EDIL3: variants seen among roughly 807,000 people sequenced by gnomAD.
The protein encoded by EDIL3 is EGF like and discoidin domains 3.
In EDIL3, 37 loss-of-function variants were observed where a neutral mutation model predicts 67.4. The ratio of observed to expected loss-of-function variants is 0.55; its 90% CI spans 0.42 to 0.72. The LOEUF is 0.72. EDIL3 is among the 30% of genes least tolerant of loss of function. The pLI is 0.00. For missense variants in EDIL3, 527 were observed against 586.3 expected (o/e 0.90, Z 1.04); for synonymous variants, 195 against 196.3 (o/e 0.99, Z 0.05).
At chr5:84,383,836 C>T (rs1748150353) in intron 1 of EDIL3, among the ~76,000 whole-genome samples, 1 of 152,174 alleles carries the variant, frequency 6.6e-6, no homozygotes, top group Non-Finnish European at 1.5e-5. Flanking sequence ...GCCAGAGCAC[C>T]GCACCCGGGG....
At position 84,302,166 on chromosome 5, in the gene EDIL3, T is replaced by C. The variant is rs946761024; in HGVS notation, c.68-47954A>G. 3.9e-5 allele frequency among the ~76,000 whole-genome samples: 6 copies of C among 152,346 alleles called. No homozygotes were observed. The East Asian group carries it at 1.2e-3, about 29-fold the overall frequency. ...TGCCTTGAGAAAATTAGTATTATCA[T>C]GGAGCTTTCAATTTATTCTTTTATC... is the stretch of plus-strand genomic sequence containing the variant. On this transcript the variant is annotated intron_variant, in intron 1 of 10. Transcript: ENST00000296591.
intron 4 of EDIL3, among the ~76,000 whole-genome samples, chr5:84,152,523 T>G (rs1258161916): frequency 6.6e-6 from 1 of 152,204 alleles, no homozygotes; most frequent in Non-Finnish European, 1.5e-5. Flanking sequence ...ATTATAAGAT[T>G]AATGCAGAAA....
chr5:84,025,581 CAGTCTGTGGAA>C (rs1378995024), intron 9 of EDIL3, among the ~76,000 whole-genome samples: 1 of 152,070 alleles, frequency 6.6e-6, no homozygotes, highest in Non-Finnish European at 1.5e-5. Flanking sequence ...ATTCCCAACC[CAGTCTGTGGAA>C]AAATTGTCTT....
chr5:83,970,964 G>A (rs913783321), intron 9 of EDIL3, among the ~76,000 whole-genome samples: 3 of 150,856 alleles, frequency 2.0e-5, no homozygotes, highest in Admixed American at 2.0e-4. Context: ...CTTCTTTTTG[G>A]TGTCTCATTC....
At chr5:83,992,004 A>T (rs1442248502) in intron 9 of EDIL3, among the ~76,000 whole-genome samples, 1 of 152,196 alleles carries the variant, frequency 6.6e-6, no homozygotes, top group Non-Finnish European at 1.5e-5. Flanking sequence ...TATGTGCTGC[A>T]CATACTGATG....
At chr5:83,951,045 G>A (rs1169261590) in intron 10 of EDIL3, among the ~76,000 whole-genome samples, 1 of 151,552 alleles carries the variant, frequency 6.6e-6, no homozygotes, top group East Asian at 2.0e-4. Flanking sequence ...AGACTTCTTT[G>A]CTTCCCAAGA....
At chr5:84,053,411 G>T (rs1179898731) in intron 9 of EDIL3, among the ~76,000 whole-genome samples, 6 of 152,106 alleles carry the variant, frequency 3.9e-5, no homozygotes, top group African/African-American at 1.2e-4. Flanking sequence ...AGAAAAGCAA[G>T]AGCAAACACA....
intron 1 of EDIL3, among the ~76,000 whole-genome samples, chr5:84,266,143 T>G (rs953718096): frequency 1.3e-5 from 2 of 152,186 alleles, no homozygotes; most frequent in African/African-American, 4.8e-5. Context: ...AAAGAAGACA[T>G]TAAGCACAGA....
chr5:84,181,565 G>A (rs984522608), intron 3 of EDIL3, among the ~76,000 whole-genome samples: 3 of 151,994 alleles, frequency 2.0e-5, no homozygotes, highest in Non-Finnish European at 4.4e-5. Flanking sequence ...GCTATGTCAC[G>A]GTCTGTAGGC....
At chr5:84,059,329 G>A (rs1746502677) in intron 9 of EDIL3, among the ~76,000 whole-genome samples, 1 of 152,110 alleles carries the variant, frequency 6.6e-6, no homozygotes, top group Admixed American at 6.6e-5. Flanking sequence ...CTGGAGCCCA[G>A]GAATTTAAGG....
chr5:84,206,254 T>G, intron 3 of EDIL3, among the ~76,000 whole-genome samples: 1 of 152,184 alleles, frequency 6.6e-6, no homozygotes, highest in Non-Finnish European at 1.5e-5. Context: ...GAGTTCTAGT[T>G]TGAGTGCACT....
intron 1 of EDIL3, among the ~76,000 whole-genome samples, chr5:84,364,437 A>G (rs912449109): frequency 1.3e-5 from 2 of 152,160 alleles, no homozygotes; most frequent in African/African-American, 4.8e-5. Flanking sequence ...ATACAATCCT[A>G]TACCTACATG....
intron 9 of EDIL3, among the ~76,000 whole-genome samples, chr5:84,012,867 C>G (rs1318816267): frequency 2.0e-5 from 3 of 151,906 alleles, no homozygotes; most frequent in Non-Finnish European, 4.4e-5. Context: ...ACTTATTACT[C>G]TACAAATAGC....
At chr5:84,036,340 A>G (rs1746021445) in intron 9 of EDIL3, among the ~76,000 whole-genome samples, 1 of 152,186 alleles carries the variant, frequency 6.6e-6, no homozygotes, top group African/African-American at 2.4e-5. Flanking sequence ...TGTAGACACC[A>G]TACTCTCCTT....
In EDIL3 at chr5:83,943,093, T is replaced by G. The variant is rs191948621; in HGVS notation, c.*326A>C. ...TTATTTGATGACTTTGAGACTTTTTTACTCTTGCTATAAAAAGAAGGCTAC... is the reference window on the plus strand; with the variant it reads ...TTATTTGATGACTTTGAGACTTTTTGACTCTTGCTATAAAAAGAAGGCTAC... On this transcript the variant is annotated 3_prime_UTR_variant, in exon 11 of 11. Coordinates refer to ENST00000296591, the MANE Select transcript of EDIL3 (RefSeq NM_005711.5). 1.7e-4 allele frequency: 47 copies of G among 269,606 alleles called. No individual in the cohort carries two copies. The highest frequency in any genetic ancestry group is 9.4e-4 in the African/African-American group (41 of 43,486). The allele number at this position is 269,606 out of a possible 1,614,324, so 16.7% of individuals were successfully genotyped here. A position where few individuals can be genotyped will look rare whatever the true frequency, so the allele number is the denominator to read the frequency against.
intron 3 of EDIL3, among the ~76,000 whole-genome samples, chr5:84,188,311 G>A (rs1372386591): frequency 1.3e-5 from 2 of 151,748 alleles, no homozygotes; most frequent in Non-Finnish European, 2.9e-5. Flanking sequence ...TGAAATCAAG[G>A]TATCAACAGA....
Position 84,145,849 on chromosome 5 carries a change from C to A in EDIL3, c.356-8495G>T, listed in dbSNP as rs1748283155. ...GGGCACATTTATCTAGAAACCCTAC[C>A]TGAATTGTCAATTGGATGTGATTTC... On this transcript the variant is annotated intron_variant, in intron 4 of 10. Transcript: ENST00000296591. Among the ~76,000 whole-genome samples the A allele has an allele frequency of 2.0e-5, 3 of 151,942 alleles. No individual in the cohort carries two copies. In the South Asian group the frequency reaches 6.2e-4, roughly 32 times the overall value.
intron 9 of EDIL3, among the ~76,000 whole-genome samples, chr5:84,044,962 C>T (rs1157141778): frequency 6.6e-6 from 1 of 152,104 alleles, no homozygotes; most frequent in Non-Finnish European, 1.5e-5. Flanking sequence ...TAAAGACATA[C>T]TCAAGACTGG....
intron 2 of EDIL3, among the ~76,000 whole-genome samples, chr5:84,249,144 C>CT (rs367964310): frequency 5.6e-4 from 85 of 151,166 alleles, no homozygotes; most frequent in African/African-American, 1.6e-3. Flanking sequence ...GACATTATAC[C>CT]TTTTTTTTTA....
Sources: gnomAD v4.1 joint callset for allele counts (sites outside exome capture counted in the v4.1 genomes callset) on GRCh38, gnomAD v4.1.1 for gene constraint, MANE v1.5 for transcripts, NCBI Gene and HGNC (gene_info 2026-07-23, HGNC 2026-07-21) for gene names.